EIF2A: variants seen among roughly 807,000 people sequenced by gnomAD.
The protein encoded by EIF2A is 65 kDa eukaryotic translation initiation factor 2A.
A neutral mutation model predicts 75.2 loss-of-function variants in EIF2A; 62 were observed. The observed-to-expected ratio is 0.82, with a 90% CI of 0.67 to 1.02. EIF2A has a LOEUF of 1.02. EIF2A is among the 50% of genes least tolerant of loss of function. EIF2A has a pLI of 0.00. For missense variants in EIF2A, 611 were observed against 677.7 expected, an observed-to-expected ratio of 0.90 and a Z score of 1.09; for synonymous variants, 207 against 239.0, an observed-to-expected ratio of 0.87 and a Z score of 1.23.
At chr3:150,551,046 A>G (rs549821567) in intron 1 of EIF2A, among the ~76,000 whole-genome samples, 5 of 152,046 alleles carry the variant, frequency 3.3e-5, no homozygotes, top group Admixed American at 3.3e-4. Context: ...TTTTCTTTCC[A>G]TGGGGTTTTT....
intron 9 of EIF2A, among the ~76,000 whole-genome samples, chr3:150,569,725 G>C (rs1051306822): frequency 6.6e-6 from 1 of 151,888 alleles, no homozygotes. Context: ...TGAGGCATGA[G>C]AATTGCTTGA....
chr3:150,574,339 G>A (rs1724737523), intron 10 of EIF2A, among the ~76,000 whole-genome samples: 1 of 152,166 alleles, frequency 6.6e-6, no homozygotes, highest in East Asian at 1.9e-4. Context: ...AAGGCTCTCA[G>A]TGGCTACATG....
intron 6 of EIF2A, 29 bp from the exon 7 acceptor site, chr3:150,567,664 A>T (rs781435595): frequency 1.5e-5 from 22 of 1,426,774 alleles, no homozygotes; most frequent in Non-Finnish European, 2.1e-5. Context: ...TTCTCTCATC[A>T]ATCTGATTTA....
At chr3:150,573,873 A>G (rs1196990014) in intron 10 of EIF2A, among the ~76,000 whole-genome samples, 2 of 152,142 alleles carry the variant, frequency 1.3e-5, no homozygotes, top group Non-Finnish European at 2.9e-5. Flanking sequence ...AATTATACTT[A>G]AAGAATATTT....
chr3:150,567,884 T>C lies in EIF2A; in HGVS notation c.550-18T>C. On this transcript the variant is annotated intron_variant, in intron 7 of 13. Coordinates refer to ENST00000460851, the MANE Select transcript of EIF2A (RefSeq NM_032025.5). ...TTCTTCAAAAAATTAAGTAATGATT[T>C]ATGTCTATGTATCTTAGGTGGCTGT... 7 of 1,587,840 alleles carry C rather than the reference T, an allele frequency of 4.4e-6. No individual in the cohort carries two copies. Among genetic ancestry groups the C allele is most frequent in the Non-Finnish European group, 6.0e-6 (7 of 1,172,556 alleles).
intron 3 of EIF2A, 107 bp from the exon 4 acceptor site, chr3:150,562,435 C>T (rs1723935226): frequency 2.4e-6 from 2 of 823,954 alleles, no homozygotes. Flanking sequence ...AAAAAAAAGT[C>T]AACATTTTGG....
chr3:150,554,002 C>G (rs955884130), intron 2 of EIF2A, among the ~76,000 whole-genome samples: 4 of 152,148 alleles, frequency 2.6e-5, no homozygotes, highest in Admixed American at 2.0e-4. Flanking sequence ...GAACCACTTC[C>G]TTGGAGAAGT....
rs1027399465 is a variant in EIF2A, at chr3:150,583,239, A to G, written c.1666A>G (p.Thr556Ala). ...AIEQLKEQAA[T>A]GKQLEKNQLE... ...CGAACAACTGAAAGAACAAGCAGCA[A>G]CTGGAAAACAGCTAGAAAAAAATCA... The change falls in exon 13 of 14, where the codon ACT (threonine) becomes GCT (alanine). Residue 556 changes from threonine (T) to alanine (A), a missense_variant. By Grantham distance (58) the Thr-to-Ala change is moderately conservative (BLOSUM62 0). Transcript: ENST00000460851. 6.2e-7 allele frequency: 1 copy of G among 1,612,950 alleles called. No individual in the cohort carries two copies. Among genetic ancestry groups the G allele is most frequent in the Non-Finnish European group, 8.5e-7 (1 of 1,179,554 alleles).
Position 150,572,270 on chromosome 3 carries a change from C to G in EIF2A, c.1124C>G (p.Ala375Gly). The change falls in exon 10 of 14, where the codon GCT becomes GGT. Residue 375 changes from alanine (A) to glycine (G), a missense_variant. By Grantham distance (60) the Ala-to-Gly change is moderately conservative. Coordinates refer to ENST00000460851, the MANE Select transcript of EIF2A (RefSeq NM_032025.5). ...WCPDGEHILT[A>G]TCAPRLRVNN... ...CCGGATGGTGAGCATATTTTAACAG[C>G]TACATGTGCTCCCAGGTTACGGGTT... 6.2e-7 allele frequency: 1 copy of G among 1,613,904 alleles called. No individual in the cohort carries two copies. The highest frequency in any genetic ancestry group is 8.5e-7 in the Non-Finnish European group (1 of 1,179,852).
chr3:150,572,664 G>A (rs1724606369), intron 10 of EIF2A, 135 bp downstream of exon 10: 1 of 829,556 alleles, frequency 1.2e-6, no homozygotes, highest in Non-Finnish European at 1.8e-6. Flanking sequence ...AGACCAGACT[G>A]GCTAACATGC....
intron 2 of EIF2A, among the ~76,000 whole-genome samples, chr3:150,553,528 C>T (rs1394204832): frequency 2.6e-5 from 4 of 152,100 alleles, no homozygotes; most frequent in Middle Eastern, 3.4e-3. Context: ...CCTGCCTCAG[C>T]CTCCCAAGTA....
rs775261245 is a variant in EIF2A at position 150,575,684 on chromosome 3, A to G, written c.1419A>G (p.Gln473=). 1.2e-6 allele frequency: 2 copies of G among 1,612,708 alleles called. No homozygotes were observed. Among genetic ancestry groups the G allele is most frequent in the Non-Finnish European group, 1.7e-6 (2 of 1,179,468 alleles). ...AACCACCTCAGAATATGAAACCACA[A>G]TCAGGAAACGATAAGCCATTATCAA... ...EEEPPQNMKP[Q]SGNDKPLSKT... is the part of the protein sequence containing the mutation. Residue 473 remains glutamine (Q), a synonymous_variant, in exon 11 of 14, where the codon CAA becomes CAG. Transcript: ENST00000460851.
chr3:150,578,074 CATT>C (rs1724971101), intron 11 of EIF2A, among the ~76,000 whole-genome samples: 1 of 152,058 alleles, frequency 6.6e-6, no homozygotes, highest in South Asian at 2.1e-4. Flanking sequence ...TATTACAACT[CATT>C]AGTAGTATCC....
At chr3:150,546,851 G>A (rs1559871495) in intron 1 of EIF2A, 21 bp downstream of exon 1, 2 of 1,611,368 alleles carry the variant, frequency 1.2e-6, no homozygotes, top group East Asian at 4.5e-5. Context: ...AAGAAGCGAG[G>A]GACTCTCTTT....
intron 2 of EIF2A, among the ~76,000 whole-genome samples, chr3:150,557,914 A>G (rs1723652846): frequency 6.6e-6 from 1 of 152,206 alleles, no homozygotes; most frequent in Non-Finnish European, 1.5e-5. Context: ...TTGTGACTAC[A>G]CTAATGTACA....
chr3:150,560,578 T>C (rs1324030240), intron 3 of EIF2A, among the ~76,000 whole-genome samples: 1 of 152,190 alleles, frequency 6.6e-6, no homozygotes, highest in East Asian at 1.9e-4. Context: ...AAGATTTCCA[T>C]GTTAGGTGTG....
chr3:150,547,058 C>T (rs536221660), intron 1 of EIF2A: 15 of 584,546 alleles, frequency 2.6e-5, no homozygotes, highest in Admixed American at 1.2e-4. Flanking sequence ...TCATTCTTGC[C>T]TGCGGATTCA....
intron 9 of EIF2A, among the ~76,000 whole-genome samples, chr3:150,570,602 AG>A (rs1364649441): frequency 6.6e-6 from 1 of 152,072 alleles, no homozygotes; most frequent in East Asian, 1.9e-4. Flanking sequence ...ATCAGCCCAT[AG>A]AAAAAGAAAT....
intron 2 of EIF2A, 130 bp downstream of exon 2, chr3:150,552,555 C>G: frequency 2.9e-6 from 2 of 683,198 alleles, no homozygotes; most frequent in Non-Finnish European, 4.7e-6. Flanking sequence ...TAATATTTAC[C>G]GAAGATGAAA....
Sources: allele counts gnomAD v4.1 joint callset (sites outside exome capture counted in the v4.1 genomes callset), GRCh38; gene constraint gnomAD v4.1.1; transcripts MANE v1.5; gene names NCBI Gene and HGNC (gene_info 2026-07-23, HGNC 2026-07-21).